ANKS1B: variants seen among roughly 807,000 people sequenced by gnomAD.
ANKS1B encodes the protein ankyrin repeat and sterile alpha motif domain containing 1B.
ANKS1B carries 36 observed loss-of-function variants against 148.3 expected under a neutral mutation model. The observed-to-expected ratio is 0.24, with a 90% CI of 0.19 to 0.32. The LOEUF (loss-of-function observed/expected upper bound fraction) is 0.32. Ranked by LOEUF, ANKS1B falls within the 10% of genes least tolerant of loss-of-function variation. The pLI is 1.00. For synonymous variants in ANKS1B, 542 were observed against 560.8 expected (o/e 0.97, Z 0.47); for missense variants, 1,157 against 1,542.6 (o/e 0.75, Z 4.19).
At chr12:99,179,690 C>T (rs1006609589) in intron 14 of ANKS1B, among the ~76,000 whole-genome samples, 10 of 152,062 alleles carry the variant, frequency 6.6e-5, no homozygotes, top group Non-Finnish European at 1.3e-4. Context: ...GAAAAACTCT[C>T]TATGAATCTC....
At chr12:99,589,195 G>A (rs186752128) in intron 9 of ANKS1B, among the ~76,000 whole-genome samples, 2 of 152,286 alleles carry the variant, frequency 1.3e-5, no homozygotes, top group Non-Finnish European at 2.9e-5. Context: ...GGATTTCCAA[G>A]GCCTTTTCAA....
chr12:99,844,141 A>G (rs762780685), intron 1 of ANKS1B, among the ~76,000 whole-genome samples: 2 of 152,018 alleles, frequency 1.3e-5, no homozygotes, highest in Admixed American at 6.5e-5. Context: ...GATGCTGGAT[A>G]TTAGGTGTTT....
chr12:99,181,584 T>C (rs2079115075), intron 14 of ANKS1B, among the ~76,000 whole-genome samples: 1 of 152,180 alleles, frequency 6.6e-6, no homozygotes, highest in Middle Eastern at 3.2e-3. Flanking sequence ...AATTTTCATA[T>C]TCAAACAAAT....
chr12:99,083,728 T>C (rs1313481039), intron 16 of ANKS1B: 3 of 152,206 alleles, frequency 2.0e-5, no homozygotes, highest in African/African-American at 7.2e-5. Context: ...CATTGGATTT[T>C]AAATGTCTAT....
At chr12:99,783,522 T>G (rs1196906635) in intron 4 of ANKS1B, among the ~76,000 whole-genome samples, 2 of 152,184 alleles carry the variant, frequency 1.3e-5, no homozygotes, top group African/African-American at 2.4e-5. Context: ...TTATGATAAA[T>G]GAAATCTAAA....
Position 99,581,725 on chromosome 12 carries a change from C to T in ANKS1B, c.1272+73342G>A, listed in dbSNP as rs577136651. 1.5e-4 allele frequency among the ~76,000 whole-genome samples: 22 copies of T among 151,530 alleles called. No individual in the cohort carries two copies. The South Asian group carries it at 3.1e-3, about 22-fold the overall frequency. On this transcript the variant is annotated intron_variant, in intron 9 of 26. Transcript: ENST00000683438. ...CTAACAAGGTGAAACCCCGTCTCTA[C>T]TAAAAATACAAAAAAATTAGCCGGG...
At position 99,941,191 on chromosome 12, in the gene ANKS1B, A is replaced by T. The variant is rs185782530; in HGVS notation, c.134+42913T>A. On this transcript the variant is annotated intron_variant, in intron 1 of 26. Transcript: ENST00000683438. ...CCTAGTAAATATAGAAGACAGGGAC[A>T]TGAAGAACAAAAGATCACTTAAGGT... is the stretch of plus-strand genomic sequence containing the variant. 2.0e-5 allele frequency among the ~76,000 whole-genome samples: 3 copies of T among 152,302 alleles called. No homozygotes were observed. The East Asian group carries it at 5.8e-4, about 29-fold the overall frequency.
intron 20 of ANKS1B, among the ~76,000 whole-genome samples, chr12:98,806,083 G>A (rs2099048921): frequency 6.6e-6 from 1 of 152,160 alleles, no homozygotes; most frequent in African/African-American, 2.4e-5. Flanking sequence ...TGTTGGCCAG[G>A]CTGGTCTCGA....
intron 12 of ANKS1B, among the ~76,000 whole-genome samples, chr12:99,319,208 G>A (rs991789799): frequency 1.4e-4 from 21 of 152,274 alleles, no homozygotes; most frequent in Middle Eastern, 3.4e-3. Flanking sequence ...GCAGAGCTGA[G>A]TTCAATTCCT....
intron 12 of ANKS1B, among the ~76,000 whole-genome samples, chr12:99,297,825 G>C (rs560845205): frequency 1.5e-4 from 23 of 151,968 alleles, no homozygotes; most frequent in African/African-American, 5.3e-4. Flanking sequence ...TGGCAACATG[G>C]TAATCATGTT....
intron 9 of ANKS1B, among the ~76,000 whole-genome samples, chr12:99,572,161 C>A (rs1208028559): frequency 6.6e-6 from 1 of 151,718 alleles, no homozygotes; most frequent in Non-Finnish European, 1.5e-5. Context: ...GATGGAGGTC[C>A]CTTACAGCTA....
intron 9 of ANKS1B, among the ~76,000 whole-genome samples, chr12:99,517,279 T>C (rs1440518695): frequency 6.6e-6 from 1 of 152,166 alleles, no homozygotes; most frequent in Admixed American, 6.5e-5. Flanking sequence ...CTATTGTAAG[T>C]GCAATAACTC....
chr12:99,028,541 G>C (rs1313735316), intron 17 of ANKS1B, among the ~76,000 whole-genome samples: 1 of 152,176 alleles, frequency 6.6e-6, no homozygotes, highest in African/African-American at 2.4e-5. Context: ...ATGGCAGAGA[G>C]GTGATGAGAC....
intron 11 of ANKS1B, among the ~76,000 whole-genome samples, chr12:99,420,777 G>A (rs1187066980): frequency 6.6e-6 from 1 of 152,016 alleles, no homozygotes; most frequent in African/African-American, 2.4e-5. Context: ...AATTTCATTT[G>A]GATTTCCCTC....
At chr12:99,143,385 T>C (rs955271827) in intron 15 of ANKS1B, among the ~76,000 whole-genome samples, 4 of 152,138 alleles carry the variant, frequency 2.6e-5, no homozygotes, top group East Asian at 1.9e-4. Flanking sequence ...CTCAAATGAA[T>C]GGATAGTTCT....
At chr12:99,235,385 A>G (rs991226) in intron 14 of ANKS1B, among the ~76,000 whole-genome samples, 41,018 of 152,048 alleles carry the variant, frequency 0.27, 6,057 homozygotes, top group African/African-American at 0.38. Context: ...GAATATCCTC[A>G]GTATTGAGGA....
intron 17 of ANKS1B, among the ~76,000 whole-genome samples, chr12:98,931,358 T>C (rs1389206335): frequency 6.6e-6 from 1 of 152,100 alleles, no homozygotes; most frequent in Non-Finnish European, 1.5e-5. Flanking sequence ...AAAATGTATT[T>C]AGTATGAAAA....
At chr12:99,801,102 T>G (rs1430693152) in intron 4 of ANKS1B, among the ~76,000 whole-genome samples, 1 of 152,156 alleles carries the variant, frequency 6.6e-6, no homozygotes, top group African/African-American at 2.4e-5. Flanking sequence ...TTTCTCTTCC[T>G]CTTTATTTGA....
intron 17 of ANKS1B, among the ~76,000 whole-genome samples, chr12:98,905,320 T>A (rs2099777478): frequency 6.6e-6 from 1 of 152,196 alleles, no homozygotes; most frequent in South Asian, 2.1e-4. Context: ...CTCTGAAACG[T>A]TCTTTCCTTC....
Sources: allele counts gnomAD v4.1 joint callset (sites outside exome capture counted in the v4.1 genomes callset), GRCh38; gene constraint gnomAD v4.1.1; transcripts MANE v1.5; gene names NCBI Gene and HGNC (gene_info 2026-07-23, HGNC 2026-07-21).